Variants in STARD13 observed in about 807,000 individuals in gnomAD.
The protein encoded by STARD13 is StAR related lipid transfer domain containing 13, also known as stAR-related lipid transfer protein 13.
Under a neutral mutation model 106.4 loss-of-function variants are expected in STARD13, and 62 were observed. That is an observed-to-expected ratio of 0.58 (90% confidence interval 0.48 to 0.72). The LOEUF is 0.72. Ranked by LOEUF, STARD13 falls within the 30% of genes least tolerant of loss-of-function variation. STARD13 has a pLI of 0.00. For synonymous variants in STARD13, 565 were observed against 553.0 expected, an observed-to-expected ratio of 1.02 and a Z score of -0.31; for missense variants, 1,387 against 1,424.0, an observed-to-expected ratio of 0.97 and a Z score of 0.42.
the STARD13 span, among the ~76,000 whole-genome samples, chr13:33,653,379 C>G: frequency 3.9e-5 from 6 of 152,172 alleles, no homozygotes; most frequent in Non-Finnish European, 7.4e-5. Flanking sequence ...ACCCATACCT[C>G]TGTGGTCAAT....
At chr13:33,340,189 T>A (rs1320737259) in intron 1 of STARD13, among the ~76,000 whole-genome samples, 1 of 152,224 alleles carries the variant, frequency 6.6e-6, no homozygotes, top group Non-Finnish European at 1.5e-5. Flanking sequence ...TAATAATAAA[T>A]ATTTATTTCC....
In STARD13 at chr13:33,103,276, T is replaced by C. The variant is rs1260811400; in HGVS notation, c.*2317A>G. On this transcript the variant is annotated 3_prime_UTR_variant, in exon 14 of 14. Transcript: ENST00000336934. ...AATATAATATTTAAATGCAATATCA[T>C]ACTTTATTTCCATTGGCAAGATAAC... The C allele has an allele frequency of 6.5e-6, 1 of 152,692 alleles. No individual in the cohort carries two copies. Among genetic ancestry groups the C allele is most frequent in the Admixed American group, 6.5e-5 (1 of 15,290 alleles). The allele number at this position is 152,692 out of a possible 1,614,324, so 9.5% of individuals were successfully genotyped here.
At chr13:33,215,295 C>A (rs534886557) in intron 1 of STARD13, among the ~76,000 whole-genome samples, 4 of 152,302 alleles carry the variant, frequency 2.6e-5, no homozygotes, top group African/African-American at 9.6e-5. Flanking sequence ...TTGGGCTCTG[C>A]TCTGCCCAGC....
At chr13:33,612,703 A>G in the STARD13 span, among the ~76,000 whole-genome samples, 1 of 152,124 alleles carries the variant, frequency 6.6e-6, no homozygotes. Context: ...CTCTCTCTCA[A>G]AGGGCTCCTG....
chr13:33,234,406 C>G (rs1889084021), intron 1 of STARD13, among the ~76,000 whole-genome samples: 1 of 152,202 alleles, frequency 6.6e-6, no homozygotes, highest in Non-Finnish European at 1.5e-5. Flanking sequence ...TCACACTCAT[C>G]ATGCCATCTG....
Position 33,129,754 on chromosome 13 carries a change from T to C in STARD13, c.923A>G (p.Asn308Ser), listed in dbSNP as rs1877946668. 1 of 1,613,856 alleles carries C rather than the reference T, an allele frequency of 6.2e-7. No individual in the cohort carries two copies. The highest frequency in any genetic ancestry group is 8.5e-7 in the Non-Finnish European group (1 of 1,180,006). ...TGGCGGCGAATTCTGGAGATCTCCATTTGGTATTTGGATGCACTGCATAGC... is the reference window on the plus strand; with the variant it reads ...TGGCGGCGAATTCTGGAGATCTCCACTTGGTATTTGGATGCACTGCATAGC... ...FKAMQCIQIPNGDLQNSPPPA... is the reference protein window; with the variant it reads ...FKAMQCIQIPSGDLQNSPPPA... Residue 308 changes from asparagine (N) to serine (S), a missense_variant, in exon 5 of 14, where the codon AAT becomes AGT. By Grantham distance (46) the Asn-to-Ser change is conservative. Transcript: ENST00000336934.
chr13:33,538,195 A>G, the STARD13 span, among the ~76,000 whole-genome samples: 2 of 152,200 alleles, frequency 1.3e-5, no homozygotes, highest in Middle Eastern at 3.2e-3. Flanking sequence ...AAGGATCTTG[A>G]GAGGGCAAGA....
intron 1 of STARD13, among the ~76,000 whole-genome samples, chr13:33,200,762 C>T (rs1171377010): frequency 4.6e-5 from 7 of 152,196 alleles, no homozygotes; most frequent in African/African-American, 1.7e-4. Context: ...TGGCTCACGC[C>T]TGTAATCCCA....
At chr13:33,165,545 G>C (rs1185373473) in intron 2 of STARD13, 127 bp from the exon 3 acceptor site, 3 of 728,312 alleles carry the variant, frequency 4.1e-6, no homozygotes, top group Non-Finnish European at 7.0e-6. Flanking sequence ...ATCATTGTTG[G>C]GAATGTTTAA....
the STARD13 span, among the ~76,000 whole-genome samples, chr13:33,458,442 G>T: frequency 6.6e-6 from 1 of 152,004 alleles, no homozygotes; most frequent in Non-Finnish European, 1.5e-5. Flanking sequence ...CAACTGCTTA[G>T]TGTTTTTCAT....
chr13:33,302,141 G>A lies in STARD13; in HGVS notation c.124+48149C>T, dbSNP rs528053418. Among the ~76,000 whole-genome samples, 10 of 152,282 alleles carry A rather than the reference G, an allele frequency of 6.6e-5. 1 individual carries two copies. The South Asian group carries it at 2.1e-3, about 32-fold the overall frequency. On this transcript the variant is annotated intron_variant, in intron 1 of 5. Coordinates refer to the STARD13 transcript ENST00000567873. ...ATTCATACCTACCTGGAGGAAGAGT[G>A]CAAGAGGGAAATAATGATGATAACA...
chr13:33,664,155 G>A, the STARD13 span, among the ~76,000 whole-genome samples: 1 of 152,204 alleles, frequency 6.6e-6, no homozygotes, highest in Non-Finnish European at 1.5e-5. Flanking sequence ...GGAAAACGTA[G>A]GGATGCTGAA....
At chr13:33,436,322 T>A in the STARD13 span, among the ~76,000 whole-genome samples, 2 of 152,208 alleles carry the variant, frequency 1.3e-5, no homozygotes, top group Non-Finnish European at 2.9e-5. Context: ...GAATGGTACA[T>A]CAATGTGAGA....
At chr13:33,295,147 CA>C (rs1420128473) in intron 1 of STARD13, among the ~76,000 whole-genome samples, 1 of 152,074 alleles carries the variant, frequency 6.6e-6, no homozygotes, top group Non-Finnish European at 1.5e-5. Context: ...CCCAGTATAC[CA>C]AAAAATATGA....
intron 3 of STARD13, among the ~76,000 whole-genome samples, chr13:33,144,741 G>A (rs1417947493): frequency 6.6e-6 from 1 of 152,188 alleles, no homozygotes; most frequent in Non-Finnish European, 1.5e-5. Flanking sequence ...AAAAATGGTG[G>A]ATATTGCACA....
chr13:33,415,255 C>G, the STARD13 span, among the ~76,000 whole-genome samples: 2 of 152,158 alleles, frequency 1.3e-5, no homozygotes. Flanking sequence ...GTAGTCCCGG[C>G]TACTCAGGTG....
upstream of STARD13, among the ~76,000 whole-genome samples, chr13:33,290,038 G>A (rs984436762): frequency 6.6e-6 from 1 of 152,128 alleles, no homozygotes; most frequent in Non-Finnish European, 1.5e-5. Context: ...TGACCTCTAA[G>A]CAAAACTTTT....
intron 1 of STARD13, chr13:33,277,633 C>G (rs1891516484): frequency 6.6e-6 from 1 of 152,130 alleles, no homozygotes; most frequent in African/African-American, 2.4e-5. Context: ...AATGGAATAT[C>G]CTGAATTAGC....
At chr13:33,670,257 T>C in the STARD13 span, among the ~76,000 whole-genome samples, 1 of 152,236 alleles carries the variant, frequency 6.6e-6, no homozygotes, top group East Asian at 1.9e-4. Context: ...AAATATCACA[T>C]TGAACTTCAG....
Sources: allele counts gnomAD v4.1 joint callset (sites outside exome capture counted in the v4.1 genomes callset), GRCh38; gene constraint gnomAD v4.1.1; transcripts MANE v1.5; gene names NCBI Gene and HGNC (gene_info 2026-07-23, HGNC 2026-07-21).